Variants in SYTL3 observed in about 807,000 individuals in gnomAD.
The protein encoded by SYTL3 is synaptotagmin like 3.
A neutral mutation model predicts 82.1 loss-of-function variants in SYTL3; 88 were observed. That is an observed-to-expected ratio of 1.07 (90% CI 0.90 to 1.28). The LOEUF (loss-of-function observed/expected upper bound fraction) is 1.28, where lower values mean the gene tolerates loss of function less well. Among genes scored for constraint, SYTL3 ranks in the 50% most tolerant of loss-of-function variants. The pLI is 0.00. For synonymous variants in SYTL3, 311 were observed against 289.4 expected (o/e 1.07, Z -0.76); for missense variants, 831 against 757.6 (o/e 1.10, Z -1.14).
At chr6:158,719,941 T>A (rs1195967862) in intron 10 of SYTL3, among the ~76,000 whole-genome samples, 1 of 151,850 alleles carries the variant, frequency 6.6e-6, no homozygotes, top group African/African-American at 2.4e-5. Flanking sequence ...ATACAAATAT[T>A]AGCCGGGTGT....
Position 158,663,504 on chromosome 6 carries a change from G to C in SYTL3, c.110+126G>C, listed in dbSNP as rs1789616913. The C allele has an allele frequency of 2.7e-6, 4 of 1,483,734 alleles. No homozygotes were observed. In the South Asian group the frequency reaches 5.4e-5, roughly 20 times the overall value. 91.9% of individuals were successfully genotyped at this position (1,483,734 alleles called of 1,614,324 possible). ...ACCTGCTGCTGGGCTTCGTGCCTGA[G>C]AAGGGTCCTAACGAAGGTCTGTTGG... is the stretch of plus-strand genomic sequence containing the variant. On this transcript the variant is annotated intron_variant, in intron 4 of 17. Transcript: ENST00000611299.
intron 5 of SYTL3, among the ~76,000 whole-genome samples, chr6:158,678,460 A>G (rs757438561): frequency 3.9e-5 from 6 of 152,222 alleles, no homozygotes; most frequent in Admixed American, 1.3e-4. Flanking sequence ...AATGCATTAC[A>G]ACACGTGTGT....
At chr6:158,703,494 G>A (rs1562397013) in intron 6 of SYTL3, among the ~76,000 whole-genome samples, 1 of 152,226 alleles carries the variant, frequency 6.6e-6, no homozygotes, top group South Asian at 2.1e-4. Context: ...AAAATTCAGG[G>A]CTCTTTAAGG....
rs765083431 is a variant in SYTL3, at chr6:158,760,694, G to C, written c.1363G>C (p.Ala455Pro). ...PQSNGELTVRAKLVLPSRPRK... is the reference protein window; with the variant it reads ...PQSNGELTVRPKLVLPSRPRK... ...GAGTAATGGAGAGCTCACAGTCCGG[G>C]CTAAGCTGGTTCTCCCTTCACGGCC... The change falls in exon 15 of 18, where the codon GCT becomes CCT. Residue 455 changes from alanine (A) to proline (P), a missense_variant. Physicochemically the swap from Ala to Pro is conservative, Grantham distance 27. Coordinates refer to ENST00000611299, the MANE Select transcript of SYTL3 (RefSeq NM_001242394.2). 1.9e-6 allele frequency: 3 copies of C among 1,614,132 alleles called. No individual in the cohort carries two copies. The East Asian group carries it at 6.7e-5, about 36-fold the overall frequency.
chr6:158,692,085 G>A (rs533059028), intron 6 of SYTL3, among the ~76,000 whole-genome samples: 1 of 147,136 alleles, frequency 6.8e-6, no homozygotes, highest in South Asian at 2.2e-4. Flanking sequence ...GTGAAACCCC[G>A]TCTCTACTAA....
Position 158,757,304 on chromosome 6 carries a change from G to T in SYTL3, c.1231G>T (p.Val411Leu), listed in dbSNP as rs779939358. The T allele has an allele frequency of 6.2e-7, 1 of 1,614,026 alleles. No homozygotes were observed. The highest frequency in any genetic ancestry group is 1.7e-5 in the Admixed American group (1 of 60,028). Reference protein sequence around the residue: ...TLARRVFLGEVIIPLATWDFE... With the variant: ...TLARRVFLGELIIPLATWDFE... ...GGCCCGGAGAGTGTTTCTTGGAGAA[G>T]TGATCATTCCTCTGGCCACGTGGGA... The change falls in exon 14 of 18, where the codon GTG becomes TTG. Residue 411 changes from valine (V) to leucine (L), a missense_variant. Physicochemically the swap from Val to Leu is conservative, Grantham distance 32 (BLOSUM62 1). Coordinates refer to ENST00000611299, the MANE Select transcript of SYTL3 (RefSeq NM_001242394.2).
intron 17 of SYTL3, among the ~76,000 whole-genome samples, 193 bp from the exon 18 acceptor site, chr6:158,764,302 C>T (rs1024147329): frequency 9.2e-5 from 14 of 152,164 alleles, no homozygotes; most frequent in African/African-American, 3.4e-4. Flanking sequence ...CAGAGGATGC[C>T]TGCGTGAATC....
intron 6 of SYTL3, among the ~76,000 whole-genome samples, chr6:158,689,700 C>T (rs1779662451): frequency 6.6e-6 from 1 of 151,392 alleles, no homozygotes. Flanking sequence ...GTCACCCAGG[C>T]TGGAGTACCA....
At chr6:158,698,562 C>T (rs1481897441) in intron 6 of SYTL3, among the ~76,000 whole-genome samples, 1 of 151,952 alleles carries the variant, frequency 6.6e-6, no homozygotes, top group Non-Finnish European at 1.5e-5. Context: ...TGTCCAACAC[C>T]CACTCTAACC....
rs575358067 is a variant in SYTL3 at position 158,693,855 on chromosome 6, CTTTTTTT to C, written c.394+10878_394+10884del. Among the ~76,000 whole-genome samples the C allele has an allele frequency of 2.1e-5, 2 of 96,866 alleles. 1 individual carries two copies. The highest frequency in any genetic ancestry group is 2.2e-4 in the Admixed American group (2 of 9,134). The allele number at this position is 96,866 out of a possible 152,430, so 63.5% of individuals were successfully genotyped here. A position where few individuals can be genotyped will look rare whatever the true frequency, so the allele number is the denominator to read the frequency against. ...TGCATCCAGCCTTTCTTTTTCTTTT[CTTTTTTT>C]TTTTTTTTTTTGTAGATACAGGGTT... On this transcript the variant is annotated intron_variant, in intron 6 of 17. Coordinates refer to ENST00000611299, the MANE Select transcript of SYTL3 (RefSeq NM_001242394.2).
chr6:158,665,658 C>T (rs1167026794), intron 5 of SYTL3, 45 bp downstream of exon 5: 29 of 1,423,376 alleles, frequency 2.0e-5, no homozygotes, highest in Non-Finnish European at 2.3e-5. Flanking sequence ...ATTCAGGTCT[C>T]GGAGGAGGCC....
chr6:158,741,885 G>C (rs186536458), intron 11 of SYTL3, among the ~76,000 whole-genome samples: 1 of 152,138 alleles, frequency 6.6e-6, no homozygotes, highest in Non-Finnish European at 1.5e-5. Context: ...GCAACTTCTC[G>C]TGTAGTTGTG....
intron 2 of SYTL3, among the ~76,000 whole-genome samples, chr6:158,655,564 C>T (rs960382723): frequency 6.6e-6 from 1 of 152,190 alleles, no homozygotes; most frequent in South Asian, 2.1e-4. Context: ...GAGAAAGTTT[C>T]TGAACTGGGT....
At chr6:158,717,738 C>T (rs564278979) in intron 9 of SYTL3, among the ~76,000 whole-genome samples, 20 of 152,204 alleles carry the variant, frequency 1.3e-4, no homozygotes, top group South Asian at 6.2e-4. Context: ...GGTAGGCTGC[C>T]GTCTTCGTGT....
At position 158,761,301 on chromosome 6, in the gene SYTL3, C is replaced by CTTTT. The variant is rs11463987; in HGVS notation, c.1414+572_1414+575dup. On this transcript the variant is annotated intron_variant, in intron 15 of 17. Coordinates refer to ENST00000611299, the MANE Select transcript of SYTL3 (RefSeq NM_001242394.2). Reference sequence around the variant, plus strand: ...AGGAGGACTGGGAGAATGCACATTTCTTTTTTTTTTTTTTTTTTTGAGACA... The same window carrying CTTTT: ...AGGAGGACTGGGAGAATGCACATTTCTTTTTTTTTTTTTTTTTTTTTTTGAGACA... Among the ~76,000 whole-genome samples the CTTTT allele has an allele frequency of 8.7e-4, 82 of 93,860 alleles. 5 individuals carry two copies. Among genetic ancestry groups the CTTTT allele is most frequent in the African/African-American group, 2.1e-3 (50 of 23,302 alleles). 61.6% of individuals were successfully genotyped at this position (93,860 alleles called of 152,430 possible). A position where few individuals can be genotyped will look rare whatever the true frequency, so the allele number is the denominator to read the frequency against.
chr6:158,685,218 T>TCTC (rs1368798182), intron 6 of SYTL3, among the ~76,000 whole-genome samples: 3 of 100,274 alleles, frequency 3.0e-5, no homozygotes, highest in Non-Finnish European at 5.3e-5. Context: ...CTCTCTCTCT[T>TCTC]TTTTTTTTTT....
chr6:158,658,623 G>A (rs982590316), intron 2 of SYTL3, among the ~76,000 whole-genome samples: 1 of 152,082 alleles, frequency 6.6e-6, no homozygotes, highest in Non-Finnish European at 1.5e-5. Flanking sequence ...ACCTTCCAAA[G>A]TTAAACAGAA....
intron 2 of SYTL3, among the ~76,000 whole-genome samples, chr6:158,659,808 A>C (rs555171689): frequency 6.6e-6 from 1 of 152,320 alleles, no homozygotes; most frequent in African/African-American, 2.4e-5. Flanking sequence ...TGAAGTGGTC[A>C]CTGTTTTACT....
rs772269862 is a variant in SYTL3 at position 158,725,554 on chromosome 6, T to C, written c.772T>C (p.Cys258Arg). 97 of 1,614,216 alleles carry C rather than the reference T, an allele frequency of 6.0e-5. No individual in the cohort carries two copies. In the East Asian group the frequency reaches 1.8e-3, roughly 30 times the overall value. The change falls in exon 11 of 18, where the codon TGC becomes CGC. Residue 258 changes from cysteine to arginine, a missense_variant. Physicochemically the swap from Cys to Arg is radical, Grantham distance 180. Transcript: ENST00000611299. ...ACCTCTCAATCAAGAGGATCCCAAA[T>C]GCTCTACTAACCCTATTTTGAAGCA... is the stretch of plus-strand genomic sequence containing the variant. Reference protein sequence around the residue: ...LKPLNQEDPKCSTNPILKQQN... With the variant: ...LKPLNQEDPKRSTNPILKQQN...
Sources: allele counts gnomAD v4.1 joint callset (sites outside exome capture counted in the v4.1 genomes callset), GRCh38; gene constraint gnomAD v4.1.1; transcripts MANE v1.5; gene names NCBI Gene and HGNC (gene_info 2026-07-23, HGNC 2026-07-21).